Variants in SUGCT observed in about 807,000 individuals in gnomAD.
SUGCT encodes the protein succinyl-CoA:glutarate-CoA transferase.
Under a neutral mutation model 55.0 loss-of-function variants are expected in SUGCT, and 41 were observed. The ratio of observed to expected loss-of-function variants is 0.74; its 90% CI spans 0.58 to 0.97. The LOEUF is 0.97. SUGCT is among the 50% of genes least tolerant of loss of function. The probability of loss-of-function intolerance (pLI) is 0.00; values close to 1 mark genes in which losing one functional copy is unlikely to be tolerated. For synonymous variants in SUGCT, 187 were observed against 200.4 expected (o/e 0.93, Z 0.56); for missense variants, 568 against 547.8 (o/e 1.04, Z -0.37).
chr7:40,531,402 C>G (rs1794075350), intron 12 of SUGCT, among the ~76,000 whole-genome samples: 1 of 152,030 alleles, frequency 6.6e-6, no homozygotes, highest in Non-Finnish European at 1.5e-5. Flanking sequence ...CTCTCATTAT[C>G]ACAGAGGAGT....
Position 40,659,484 on chromosome 7 carries a change from G to T in SUGCT, c.1090-89950G>T, listed in dbSNP as rs74442739. Among the ~76,000 whole-genome samples, 7 of 152,226 alleles carry T rather than the reference G, an allele frequency of 4.6e-5. No homozygotes were observed. The East Asian group carries it at 1.4e-3, about 29-fold the overall frequency. The stretch of plus-strand genomic sequence containing the variant: ...AGAATATGTGAGCCAAGAGACCAAG[G>T]CAAAAGCTGCATGTGTTTTGTGACC... On this transcript the variant is annotated intron_variant, in intron 12 of 13. Transcript: ENST00000335693.
At chr7:40,614,582 G>GT (rs918159126) in intron 12 of SUGCT, among the ~76,000 whole-genome samples, 200 of 151,370 alleles carry the variant, frequency 1.3e-3, no homozygotes, top group African/African-American at 3.8e-3. Context: ...TAGTTGTGCT[G>GT]TTTTTTTTTA....
chr7:40,305,736 T>C (rs1480892151), intron 8 of SUGCT, among the ~76,000 whole-genome samples: 1 of 152,088 alleles, frequency 6.6e-6, no homozygotes, highest in Non-Finnish European at 1.5e-5. Flanking sequence ...ATCATAGTTC[T>C]CTGCAGCCTC....
intron 9 of SUGCT, among the ~76,000 whole-genome samples, chr7:40,392,249 G>A (rs371938761): frequency 3.4e-4 from 52 of 152,064 alleles, no homozygotes; most frequent in African/African-American, 1.2e-3. Context: ...AAACCTGCAC[G>A]TTGTGCACAC....
At chr7:40,145,402 A>G (rs1434432771) in intron 1 of SUGCT, among the ~76,000 whole-genome samples, 1 of 152,042 alleles carries the variant, frequency 6.6e-6, no homozygotes, top group Non-Finnish European at 1.5e-5. Flanking sequence ...GACATGCCTC[A>G]GCTTTCTCAC....
intron 9 of SUGCT, among the ~76,000 whole-genome samples, chr7:40,332,453 T>TG (rs1554313595): frequency 1.4e-4 from 20 of 138,080 alleles, no homozygotes; most frequent in African/African-American, 2.8e-4. Context: ...ATTTTTTTTT[T>TG]TGTTTTTTTT....
chr7:40,580,397 C>T (rs910144535), intron 12 of SUGCT, among the ~76,000 whole-genome samples: 4 of 152,036 alleles, frequency 2.6e-5, no homozygotes, highest in South Asian at 2.1e-4. Context: ...TTGTGTTATT[C>T]GTGAAGGAGG....
chr7:40,421,885 G>A (rs1488238728), intron 9 of SUGCT, among the ~76,000 whole-genome samples: 1 of 152,142 alleles, frequency 6.6e-6, no homozygotes, highest in African/African-American at 2.4e-5. Context: ...AGGTCCTTCT[G>A]AACAGTTCTC....
At chr7:40,473,163 A>T (rs1790487686) in intron 11 of SUGCT, among the ~76,000 whole-genome samples, 2 of 152,182 alleles carry the variant, frequency 1.3e-5, no homozygotes, top group South Asian at 4.1e-4. Context: ...TGCCATAAGT[A>T]GCCGAATCCA....
chr7:40,359,200 A>G (rs1364562669), intron 9 of SUGCT, among the ~76,000 whole-genome samples: 4 of 151,658 alleles, frequency 2.6e-5, no homozygotes, highest in African/African-American at 9.7e-5. Context: ...TATTTTTGAG[A>G]CAGAGTTGTA....
intron 8 of SUGCT, among the ~76,000 whole-genome samples, chr7:40,300,355 A>G (rs1420131120): frequency 6.6e-6 from 1 of 152,130 alleles, no homozygotes; most frequent in Admixed American, 6.6e-5. Flanking sequence ...TTTTCGCCAG[A>G]CTGCTGAGGA....
At chr7:40,578,588 G>A (rs557595143) in intron 12 of SUGCT, among the ~76,000 whole-genome samples, 112 of 151,706 alleles carry the variant, frequency 7.4e-4, no homozygotes, top group African/African-American at 2.6e-3. Flanking sequence ...CTGATTATTA[G>A]CATCAGCTGG....
Position 40,860,562 on chromosome 7 carries a change from T to G in SUGCT, c.*83T>G. ...CTTTGCTTGGACCCTTCTCCCCAGT[T>G]CTGATACCACTAAAAAGAAGATTTA... On this transcript the variant is annotated 3_prime_UTR_variant, in exon 14 of 14. Transcript: ENST00000335693. 7.0e-7 allele frequency: 1 copy of G among 1,418,990 alleles called. No individual in the cohort carries two copies. The highest frequency in any genetic ancestry group is 1.5e-5 in the South Asian group (1 of 67,302). The allele number at this position is 1,418,990 out of a possible 1,614,324, so 87.9% of individuals were successfully genotyped here.
chr7:40,889,913 C>T, the SUGCT span, among the ~76,000 whole-genome samples: 24 of 152,194 alleles, frequency 1.6e-4, no homozygotes, highest in African/African-American at 5.3e-4. Flanking sequence ...TTGTTTTCAA[C>T]GTGATACCTG....
intron 1 of SUGCT, among the ~76,000 whole-genome samples, chr7:40,143,084 CT>C (rs1326055524): frequency 6.6e-6 from 1 of 152,170 alleles, no homozygotes; most frequent in East Asian, 1.9e-4. Context: ...GCTTCCCTTG[CT>C]TTATGACGTC....
At chr7:40,491,392 G>T (rs1159162139) in intron 11 of SUGCT, among the ~76,000 whole-genome samples, 2 of 152,184 alleles carry the variant, frequency 1.3e-5, no homozygotes, top group Non-Finnish European at 2.9e-5. Context: ...ATGATGAAAA[G>T]GAAGGAGTTC....
intron 12 of SUGCT, among the ~76,000 whole-genome samples, chr7:40,604,304 G>A (rs1017487426): frequency 2.0e-5 from 3 of 152,158 alleles, no homozygotes; most frequent in South Asian, 4.1e-4. Flanking sequence ...CAGAAAAAGC[G>A]TGGGAACTTG....
chr7:40,181,793 A>G (rs962149178), intron 2 of SUGCT, among the ~76,000 whole-genome samples, 162 bp from the exon 3 acceptor site: 1 of 151,984 alleles, frequency 6.6e-6, no homozygotes, highest in Non-Finnish European at 1.5e-5. Context: ...GGGGATATAT[A>G]TTTTTAAAGC....
chr7:40,999,159 A>T, the SUGCT span, among the ~76,000 whole-genome samples: 9 of 151,906 alleles, frequency 5.9e-5, no homozygotes, highest in African/African-American at 1.9e-4. Context: ...AATTTAGGTG[A>T]GAGGACGTCT....
Sources: gnomAD v4.1 joint callset for allele counts (sites outside exome capture counted in the v4.1 genomes callset) on GRCh38, gnomAD v4.1.1 for gene constraint, MANE v1.5 for transcripts, NCBI Gene and HGNC (gene_info 2026-07-23, HGNC 2026-07-21) for gene names.